TENM1: variants seen among roughly 807,000 people sequenced by gnomAD.
The protein encoded by TENM1 is teneurin-1.
In TENM1, 35 loss-of-function variants were observed where a neutral mutation model predicts 174.8. The observed-to-expected ratio is 0.20, with a 90% CI of 0.15 to 0.27. The LOEUF (loss-of-function observed/expected upper bound fraction) is 0.27. TENM1 is among the 10% of genes least tolerant of loss of function. The probability of loss-of-function intolerance (pLI) is 1.00; values close to 1 mark genes in which losing one functional copy is unlikely to be tolerated. For missense variants in TENM1, 1,633 were observed against 2,130.1 expected (o/e 0.77, Z 4.59); for synonymous variants, 781 against 798.7 (o/e 0.98, Z 0.37).
At chrX:125,135,206 C>T in the TENM1 span, among the ~76,000 whole-genome samples, 3 of 111,679 alleles carry the variant, frequency 2.7e-5, no homozygotes, top group Middle Eastern at 4.7e-3. Context: ...ATCCTTAACA[C>T]AACTTTTTTC....
chrX:125,024,366 GCACACA>G, the TENM1 span, among the ~76,000 whole-genome samples: 1 of 103,279 alleles, frequency 9.7e-6, no homozygotes, highest in Non-Finnish European at 2.0e-5. Flanking sequence ...ACATACATAT[GCACACA>G]CACACACACA....
intron 3 of TENM1, among the ~76,000 whole-genome samples, chrX:124,839,461 T>C (rs924424934): frequency 9.0e-6 from 1 of 111,731 alleles, no homozygotes; most frequent in African/African-American, 3.3e-5. Context: ...TGCACATAAA[T>C]GCCATATTTT....
At chrX:124,840,542 A>G (rs1192424868) in intron 3 of TENM1, among the ~76,000 whole-genome samples, 1 of 111,568 alleles carries the variant, frequency 9.0e-6, no homozygotes, top group African/African-American at 3.3e-5. Context: ...AATTTTAGAA[A>G]CAGCTCAAGA....
the TENM1 span, among the ~76,000 whole-genome samples, chrX:125,184,329 T>C: frequency 9.0e-6 from 1 of 110,502 alleles, no homozygotes; most frequent in African/African-American, 3.4e-5. Context: ...AATTACCAAA[T>C]TAAAAAAATT....
chrX:124,663,628 AG>A (rs1232845387), intron 6 of TENM1, among the ~76,000 whole-genome samples: 1 of 112,063 alleles, frequency 8.9e-6, no homozygotes, highest in African/African-American at 3.2e-5. Context: ...GGACTAGTCC[AG>A]GAGGATAAAC....
chrX:124,595,107 A>C (rs1207001210), intron 11 of TENM1, among the ~76,000 whole-genome samples: 1 of 112,368 alleles, frequency 8.9e-6, no homozygotes, highest in Non-Finnish European at 1.9e-5. Flanking sequence ...CTCTGTTGTC[A>C]ATTATCTTCT....
chrX:125,172,816 TA>T, the TENM1 span, among the ~76,000 whole-genome samples: 2 of 110,109 alleles, frequency 1.8e-5, no homozygotes, highest in African/African-American at 6.6e-5. Context: ...GGCTAATGGT[TA>T]AAAAAAAATG....
intron 29 of TENM1, 77 bp downstream of exon 32, chrX:124,385,600 C>T (rs1388558860): frequency 1.0e-6 from 1 of 988,919 alleles, no homozygotes; most frequent in African/African-American, 1.9e-5. Flanking sequence ...ATGCTTCTAT[C>T]TCACACTGTG....
the TENM1 span, among the ~76,000 whole-genome samples, chrX:125,192,051 C>A: frequency 9.0e-6 from 1 of 111,101 alleles, no homozygotes; most frequent in Non-Finnish European, 1.9e-5. Context: ...GAGTAACTGC[C>A]TCCCGCACTG....
intron 10 of TENM1, among the ~76,000 whole-genome samples, chrX:124,643,105 A>C (rs988916171): frequency 1.8e-5 from 2 of 112,081 alleles, no homozygotes; most frequent in African/African-American, 6.5e-5. Flanking sequence ...CAGAAGGTAC[A>C]TCTAATTTGA....
intron 5 of TENM1, among the ~76,000 whole-genome samples, chrX:124,673,663 G>T (rs745670552): frequency 1.8e-5 from 2 of 111,428 alleles, no homozygotes; most frequent in South Asian, 7.6e-4. Context: ...CAAAGAAGGA[G>T]ATTTCTTAAG....
chrX:124,612,378 T>C (rs1325920359), intron 11 of TENM1, among the ~76,000 whole-genome samples: 3 of 111,262 alleles, frequency 2.7e-5, no homozygotes, highest in Non-Finnish European at 5.7e-5. Context: ...TTACTTTTTA[T>C]GAAAGGAGTA....
chrX:125,151,147 A>G, the TENM1 span, among the ~76,000 whole-genome samples: 1 of 112,502 alleles, frequency 8.9e-6, no homozygotes, highest in Non-Finnish European at 1.9e-5. Context: ...AGCAGCGGTT[A>G]TATTGAAAGG....
At chrX:124,923,865 T>C (rs146683136) in intron 1 of TENM1, among the ~76,000 whole-genome samples, 174 of 112,072 alleles carry the variant, frequency 1.6e-3, no homozygotes, top group Non-Finnish European at 2.5e-3. Flanking sequence ...CCTAGAGCTT[T>C]CAGAAAGGAA....
At chrX:124,988,878 C>T in the TENM1 span, among the ~76,000 whole-genome samples, 1 of 111,365 alleles carries the variant, frequency 9.0e-6, no homozygotes, top group East Asian at 2.8e-4. Context: ...CAACAAAAAA[C>T]CTTTCAGCTA....
At chrX:124,435,055 G>A (rs779597112) in intron 23 of TENM1, among the ~76,000 whole-genome samples, 2 of 111,515 alleles carry the variant, frequency 1.8e-5, no homozygotes, top group Admixed American at 9.6e-5. Flanking sequence ...CACAGTTCAA[G>A]GTAATAAGAA....
At chrX:124,580,312 G>C (rs1210509088) in intron 11 of TENM1, among the ~76,000 whole-genome samples, 1 of 111,160 alleles carries the variant, frequency 9.0e-6, no homozygotes, top group Non-Finnish European at 1.9e-5. Context: ...ACACATGTGT[G>C]AACCTGGAGG....
At chrX:124,757,293 A>C (rs1222998288) in intron 3 of TENM1, among the ~76,000 whole-genome samples, 1 of 112,453 alleles carries the variant, frequency 8.9e-6, no homozygotes, top group Non-Finnish European at 1.9e-5. Context: ...AGGACCCTCC[A>C]AGCCAGGTGC....
intron 1 of TENM1, among the ~76,000 whole-genome samples, chrX:124,934,390 TA>T (rs1198947281): frequency 2.7e-5 from 3 of 112,467 alleles, no homozygotes; most frequent in Non-Finnish European, 5.6e-5. Flanking sequence ...TCAACTGGTC[TA>T]AATTAGCTAG....
Sources: allele counts gnomAD v4.1 joint callset (sites outside exome capture counted in the v4.1 genomes callset), GRCh38; gene constraint gnomAD v4.1.1; transcripts MANE v1.5; gene names NCBI Gene and HGNC (gene_info 2026-07-23, HGNC 2026-07-21).